SPATA9: variants seen among roughly 807,000 people sequenced by gnomAD.
The protein encoded by SPATA9 is spermatogenesis associated 9, also known as spermatogenesis-associated protein 9.
SPATA9 carries 27 observed loss-of-function variants against 25.5 expected under a neutral mutation model. The observed-to-expected ratio is 1.06, with a 90% CI of 0.78 to 1.46. The LOEUF is 1.46. Ranked by LOEUF, SPATA9 falls within the 40% of genes most tolerant of loss-of-function variation. SPATA9 has a pLI of 0.00. For missense variants in SPATA9, 282 were observed against 297.5 expected, an observed-to-expected ratio of 0.95 and a Z score of 0.38; for synonymous variants, 102 against 105.7, an observed-to-expected ratio of 0.97 and a Z score of 0.21.
intron 1 of SPATA9, among the ~76,000 whole-genome samples, chr5:95,692,504 T>C (rs1373354676): frequency 6.6e-6 from 1 of 152,088 alleles, no homozygotes; most frequent in East Asian, 1.9e-4. Flanking sequence ...GGATCTATAT[T>C]ATTTCTAATC....
rs1750920811 is a variant in SPATA9 at position 95,658,454 on chromosome 5, T to C, written c.*169A>G. The C allele has an allele frequency of 3.4e-6, 2 of 590,782 alleles. No individual in the cohort carries two copies. Among genetic ancestry groups the C allele is most frequent in the Non-Finnish European group, 4.9e-6 (2 of 405,714 alleles). 36.6% of individuals were successfully genotyped at this position (590,782 alleles called of 1,614,324 possible). A position where few individuals can be genotyped will look rare whatever the true frequency, so the allele number is the denominator to read the frequency against. On this transcript the variant is annotated 3_prime_UTR_variant, in exon 5 of 5. Coordinates refer to ENST00000274432, the MANE Select transcript of SPATA9 (RefSeq NM_031952.4). ...ATATTCCACATCAATATTCATTTTA[T>C]TTACTCTATCATGTAAATACTAGAA...
intron 2 of SPATA9, among the ~76,000 whole-genome samples, chr5:95,677,908 G>A (rs1156398868): frequency 6.6e-6 from 1 of 151,896 alleles, no homozygotes; most frequent in Admixed American, 6.6e-5. Context: ...ATAATTTAAA[G>A]GTTTACTACT....
chr5:95,730,976 C>T, the SPATA9 span: 19 of 552,390 alleles, frequency 3.4e-5, no homozygotes, highest in Middle Eastern at 9.1e-4. Context: ...CCCTAGCTTC[C>T]CTAACCTCCT....
At chr5:95,731,131 T>A in the SPATA9 span, 31 of 1,026,556 alleles carry the variant, frequency 3.0e-5, no homozygotes, top group Non-Finnish European at 3.6e-5. Context: ...TATTAATTTA[T>A]ATTCCGCGGC....
In SPATA9 at chr5:95,675,434, C is replaced by T. The variant is rs1752834691; in HGVS notation, c.356G>A (p.Arg119Lys). Reference protein sequence around the residue: ...GRLLREVNAPRQPLYNIQVRK... With the variant: ...GRLLREVNAPKQPLYNIQVRK... ...TACCTGAATGTTATATAGGGGTTGC[C>T]TCGGCGCATTAACTTCCCTCAGCAG... The change falls in exon 3 of 5, where the codon AGG becomes AAG. Residue 119 changes from arginine to lysine, a missense_variant. Coordinates refer to ENST00000274432, the MANE Select transcript of SPATA9 (RefSeq NM_031952.4). 2 of 1,614,094 alleles carry T rather than the reference C, an allele frequency of 1.2e-6. No individual in the cohort carries two copies. Among genetic ancestry groups the T allele is most frequent in the Non-Finnish European group, 1.7e-6 (2 of 1,180,002 alleles).
intron 1 of SPATA9, among the ~76,000 whole-genome samples, chr5:95,692,196 A>T (rs1341476991): frequency 6.6e-6 from 1 of 152,092 alleles, no homozygotes; most frequent in African/African-American, 2.4e-5. Flanking sequence ...TGCATCTTTC[A>T]GTGGTGCCTG....
the SPATA9 span, among the ~76,000 whole-genome samples, chr5:95,724,470 A>G: frequency 2.7e-4 from 41 of 152,350 alleles, no homozygotes; most frequent in African/African-American, 9.1e-4. Context: ...TGTAGGTTAC[A>G]TGCATTGTTT....
At chr5:95,656,152 C>G, downstream of SPATA9, 1 of 1,613,966 alleles carries the variant, frequency 6.2e-7, no homozygotes, top group African/African-American at 1.3e-5. Flanking sequence ...GATCCATCAG[C>G]AAAACCCAAG....
chr5:95,656,323 G>A, downstream of SPATA9: 2 of 1,584,052 alleles, frequency 1.3e-6, no homozygotes, highest in Non-Finnish European at 1.7e-6. Context: ...AAAATATATA[G>A]AAATGAAAAA....
At chr5:95,677,940 CT>C (rs1753098079) in intron 2 of SPATA9, among the ~76,000 whole-genome samples, 1 of 152,092 alleles carries the variant, frequency 6.6e-6, no homozygotes, top group Admixed American at 6.6e-5. Flanking sequence ...ATATGGAAAT[CT>C]TTTGAAATTT....
chr5:95,680,447 A>G (rs758768302), intron 2 of SPATA9, among the ~76,000 whole-genome samples: 1 of 152,198 alleles, frequency 6.6e-6, no homozygotes, highest in African/African-American at 2.4e-5. Flanking sequence ...CATACTTGAC[A>G]TCTTTGAGGA....
chr5:95,662,756 A>G (rs1209570531), intron 4 of SPATA9, among the ~76,000 whole-genome samples: 1 of 152,226 alleles, frequency 6.6e-6, no homozygotes, highest in Non-Finnish European at 1.5e-5. Context: ...ACAGAAATTA[A>G]CAAAGAGGAT....
chr5:95,654,490 T>C, downstream of SPATA9: 2 of 702,766 alleles, frequency 2.8e-6, no homozygotes, highest in Non-Finnish European at 4.7e-6. Context: ...TGGGAATTCA[T>C]AAGATAAATG....
the SPATA9 span, among the ~76,000 whole-genome samples, chr5:95,724,830 T>C: frequency 1.3e-5 from 2 of 152,160 alleles, no homozygotes; most frequent in Non-Finnish European, 2.9e-5. Context: ...GAGAATTAAA[T>C]GAGTCAAAAT....
intron 2 of SPATA9, among the ~76,000 whole-genome samples, chr5:95,680,744 C>T (rs955710582): frequency 2.6e-5 from 4 of 152,124 alleles, no homozygotes; most frequent in Admixed American, 1.3e-4. Flanking sequence ...CATCTTCAGC[C>T]GGGCTTCTCT....
chr5:95,719,157 A>C, the SPATA9 span, among the ~76,000 whole-genome samples: 1 of 152,200 alleles, frequency 6.6e-6, no homozygotes, highest in African/African-American at 2.4e-5. Context: ...CTGAGCATTT[A>C]ATGAACAATG....
At chr5:95,731,607 C>T in the SPATA9 span, 1 of 1,596,414 alleles carries the variant, frequency 6.3e-7, no homozygotes, top group Non-Finnish European at 8.5e-7. Flanking sequence ...CGGGTGAACT[C>T]GCCGCCCGGG....
chr5:95,664,009 C>A lies in SPATA9; in HGVS notation c.418G>T (p.Ala140Ser). The A allele has an allele frequency of 6.3e-7, 1 of 1,596,758 alleles. No individual in the cohort carries two copies. The highest frequency in any genetic ancestry group is 1.1e-5 in the South Asian group (1 of 88,152). Residue 140 changes from alanine to serine, a missense_variant, in exon 4 of 5, where the codon GCA (alanine) becomes TCA (serine). By Grantham distance (99) the Ala-to-Ser change is moderately conservative (BLOSUM62 1). Coordinates refer to ENST00000274432, the MANE Select transcript of SPATA9 (RefSeq NM_031952.4). Reference protein sequence around the residue: ...GSLFEIISFPAKTALTSIIYA... With the variant: ...GSLFEIISFPSKTALTSIIYA... ...ATTATGCTAGTTAAAGCAGTCTTTG[C>A]TGGAAAGGAGATGATTTCAAACAAA... is the stretch of plus-strand genomic sequence containing the variant.
chr5:95,728,957 T>A, the SPATA9 span, among the ~76,000 whole-genome samples: 3 of 152,192 alleles, frequency 2.0e-5, no homozygotes, highest in Non-Finnish European at 4.4e-5. Flanking sequence ...ACCAGCACAA[T>A]GAGTCTACAA....
Sources: allele counts gnomAD v4.1 joint callset (sites outside exome capture counted in the v4.1 genomes callset), GRCh38; gene constraint gnomAD v4.1.1; transcripts MANE v1.5; gene names NCBI Gene and HGNC (gene_info 2026-07-23, HGNC 2026-07-21).